PPIL4: variants seen among roughly 807,000 people sequenced by gnomAD.
The protein encoded by PPIL4 is peptidylprolyl isomerase like 4.
In PPIL4, 50 loss-of-function variants were observed where a neutral mutation model predicts 69.1. The ratio of observed to expected loss-of-function variants is 0.72; its 90% CI spans 0.58 to 0.92. The LOEUF is 0.92. Ranked by LOEUF, PPIL4 falls within the 40% of genes least tolerant of loss-of-function variation. The pLI is 0.00. For synonymous variants in PPIL4, 193 were observed against 191.6 expected (o/e 1.01, Z -0.06); for missense variants, 480 against 587.9 (o/e 0.82, Z 1.90).
In PPIL4 at chr6:149,528,439, A is replaced by C. The variant is rs150173809; in HGVS notation, c.679-1663T>G. Among the ~76,000 whole-genome samples, 36 of 152,370 alleles carry C rather than the reference A, an allele frequency of 2.4e-4. No individual in the cohort carries two copies. In the East Asian group the frequency reaches 6.9e-3, roughly 29 times the overall value. ...TTAGGAAATTTAAAACATTCATAAA[A>C]GCTATGAGGTTCAAAACTAATTTTA... On this transcript the variant is annotated intron_variant, in intron 7 of 12. Coordinates refer to ENST00000253329, the MANE Select transcript of PPIL4 (RefSeq NM_139126.4).
rs1458268578 is a variant in PPIL4, at chr6:149,504,628, C to T, written c.*825G>A. 6.6e-6 allele frequency: 1 copy of T among 152,194 alleles called. No homozygotes were observed. The highest frequency in any genetic ancestry group is 1.5e-5 in the Non-Finnish European group (1 of 68,036). The allele number at this position is 152,194 out of a possible 1,614,324, so 9.4% of individuals were successfully genotyped here. A position where few individuals can be genotyped will look rare whatever the true frequency, so the allele number is the denominator to read the frequency against. On this transcript the variant is annotated 3_prime_UTR_variant, in exon 13 of 13. Transcript: ENST00000253329. ...GAAATCACAGGTAGATACCACTTAACATCCACTAGGTTGGCAAATTTTTAA... is the reference window on the plus strand; with the variant it reads ...GAAATCACAGGTAGATACCACTTAATATCCACTAGGTTGGCAAATTTTTAA...
intron 9 of PPIL4, 55 bp downstream of exon 9, chr6:149,525,088 T>C: frequency 1.1e-6 from 1 of 930,616 alleles, no homozygotes; most frequent in Non-Finnish European, 1.7e-6. Flanking sequence ...TTTTCACATT[T>C]TAATACCATA....
At chr6:149,531,760 G>C (rs887312148) in intron 7 of PPIL4, among the ~76,000 whole-genome samples, 1 of 151,998 alleles carries the variant, frequency 6.6e-6, no homozygotes. Flanking sequence ...ACTTTCGCCT[G>C]CTGGGTTCAA....
chr6:149,545,085 C>A (rs1447067450), intron 1 of PPIL4, among the ~76,000 whole-genome samples: 1 of 152,142 alleles, frequency 6.6e-6, no homozygotes, highest in Non-Finnish European at 1.5e-5. Flanking sequence ...CACGACTGAC[C>A]TAGGCGTATC....
At chr6:149,520,155 A>G (rs549925200) in intron 10 of PPIL4, among the ~76,000 whole-genome samples, 1 of 152,320 alleles carries the variant, frequency 6.6e-6, no homozygotes, top group South Asian at 2.1e-4. Context: ...AAAAAATGCA[A>G]GGTACAAAAA....
In PPIL4 at chr6:149,522,053, C is replaced by A. The variant is rs149012530; in HGVS notation, c.871-882G>T. Reference sequence around the variant, plus strand: ...CAATAATTAAATGAATTATAAAATCCATGAAGATATAGACAAAGCTTGATT... The same window carrying A: ...CAATAATTAAATGAATTATAAAATCAATGAAGATATAGACAAAGCTTGATT... On this transcript the variant is annotated intron_variant, in intron 9 of 12. Transcript: ENST00000253329. Among the ~76,000 whole-genome samples the A allele has an allele frequency of 4.6e-3, 701 of 152,184 alleles. 3 individuals are homozygous for A. Among genetic ancestry groups the A allele is most frequent in the African/African-American group, 0.016 (676 of 41,514 alleles).
rs113611329 is a variant in PPIL4 at position 149,531,531 on chromosome 6, C to CAA, written c.678+1925_678+1926dup. ...AACCTGGGCAACAGAAACTCCGTCT[C>CAA]AAAAAAAAAAAAAGGAAAATATTCT... On this transcript the variant is annotated intron_variant, in intron 7 of 12. Coordinates refer to ENST00000253329, the MANE Select transcript of PPIL4 (RefSeq NM_139126.4). Among the ~76,000 whole-genome samples, 1,126 of 135,320 alleles carry CAA rather than the reference C, an allele frequency of 8.3e-3. 41 individuals carry two copies. The highest frequency in any genetic ancestry group is 0.058 in the Admixed American group (791 of 13,552). The allele number at this position is 135,320 out of a possible 152,430, so 88.8% of individuals were successfully genotyped here. A position where few individuals can be genotyped will look rare whatever the true frequency, so the allele number is the denominator to read the frequency against.
rs1030634043 is a variant in PPIL4, at chr6:149,534,762, C to T, written c.477G>A (p.Thr159=). The change falls in exon 6 of 13, where the codon ACG becomes ACA. Residue 159 remains threonine, a synonymous_variant. Transcript: ENST00000253329. ...VPYQDIRINH[T]VILDDPFDDP... is the part of the protein sequence containing the mutation. ...CATCAAATGGATCATCTAAAATCACCGTATGATTTATCCTTACAAAATAAA... is the reference window on the plus strand; with the variant it reads ...CATCAAATGGATCATCTAAAATCACTGTATGATTTATCCTTACAAAATAAA... The T allele has an allele frequency of 5.8e-6, 9 of 1,552,744 alleles. No homozygotes were observed. The highest frequency in any genetic ancestry group is 2.7e-5 in the African/African-American group (2 of 73,280).
At chr6:149,531,573 AGAT>A (rs1271258571) in intron 7 of PPIL4, among the ~76,000 whole-genome samples, 2 of 152,120 alleles carry the variant, frequency 1.3e-5, no homozygotes, top group African/African-American at 4.8e-5. Context: ...TAAATGCAAC[AGAT>A]GATAAGTCAC....
chr6:149,527,512 G>A (rs1235824825), intron 7 of PPIL4, among the ~76,000 whole-genome samples: 1 of 151,910 alleles, frequency 6.6e-6, no homozygotes, highest in Non-Finnish European at 1.5e-5. Flanking sequence ...CTTTTTTCAA[G>A]TATTTGATAT....
intron 12 of PPIL4, among the ~76,000 whole-genome samples, chr6:149,506,689 G>A (rs1192298787): frequency 6.6e-6 from 1 of 152,104 alleles, no homozygotes; most frequent in East Asian, 1.9e-4. Flanking sequence ...AACCTCCCAG[G>A]CTCAACCGAT....
chr6:149,534,700 T>G lies in PPIL4; in HGVS notation c.539A>C (p.Glu180Ala), dbSNP rs765555284. The change falls in exon 6 of 13, where the codon GAA becomes GCA. Residue 180 changes from glutamate (E) to alanine (A), a missense_variant. Glu to Ala is a moderately radical substitution (Grantham distance 107, BLOSUM62 -1). Transcript: ENST00000253329. ...TACATCTAATTGTTCCCTTGTAGGTTCTGGTGATCGATCAGGGATTAATAA... is the reference window on the plus strand; with the variant it reads ...TACATCTAATTGTTCCCTTGTAGGTGCTGGTGATCGATCAGGGATTAATAA... ...PDLLIPDRSP[E>A]PTREQLDSGR... is the part of the protein sequence containing the mutation. The G allele has an allele frequency of 1.3e-6, 2 of 1,580,058 alleles. No homozygotes were observed.
intron 1 of PPIL4, among the ~76,000 whole-genome samples, chr6:149,542,161 G>A (rs1777374214): frequency 6.6e-6 from 1 of 151,960 alleles, no homozygotes; most frequent in Non-Finnish European, 1.5e-5. Context: ...TTTACTGATG[G>A]ATTGATTTTA....
At chr6:149,529,035 C>A (rs1451001897) in intron 7 of PPIL4, among the ~76,000 whole-genome samples, 2 of 151,780 alleles carry the variant, frequency 1.3e-5, no homozygotes, top group Non-Finnish European at 2.9e-5. Flanking sequence ...TTGGGATCAG[C>A]CTGAGCAACA....
chr6:149,517,573 G>A, intron 10 of PPIL4, 123 bp from the exon 11 acceptor site: 3 of 519,226 alleles, frequency 5.8e-6, no homozygotes, highest in Non-Finnish European at 1.0e-5. Context: ...ACAGAGAAAG[G>A]GAACAAAAGA....
At position 149,513,428 on chromosome 6, in the gene PPIL4, T is replaced by TATATATATATAC. The variant is rs1554215984; in HGVS notation, c.1080-1138_1080-1127dup. The stretch of plus-strand genomic sequence containing the variant: ...AAAAAAAAAAATATATATATATATA[T>TATATATATATAC]ATATATATATACATATAAAAAATAT... On this transcript the variant is annotated intron_variant, in intron 11 of 12. Transcript: ENST00000253329. Among the ~76,000 whole-genome samples, 107 of 127,022 alleles carry TATATATATATAC rather than the reference T, an allele frequency of 8.4e-4. 1 individual carries two copies. Among genetic ancestry groups the TATATATATATAC allele is most frequent in the African/African-American group, 3.0e-3 (94 of 30,852 alleles). The allele number at this position is 127,022 out of a possible 152,430, so 83.3% of individuals were successfully genotyped here. A position where few individuals can be genotyped will look rare whatever the true frequency, so the allele number is the denominator to read the frequency against.
chr6:149,512,374 C>A, intron 11 of PPIL4, 72 bp from the exon 12 acceptor site: 1 of 1,172,164 alleles, frequency 8.5e-7, no homozygotes, highest in Non-Finnish European at 1.2e-6. Context: ...ATCTGGTAAA[C>A]AAAGGAGGTC....
intron 12 of PPIL4, among the ~76,000 whole-genome samples, chr6:149,507,848 C>G (rs917410360): frequency 1.3e-5 from 2 of 152,112 alleles, no homozygotes; most frequent in Non-Finnish European, 2.9e-5. Flanking sequence ...AACAAGTACT[C>G]TTAAGGTTAG....
chr6:149,508,394 T>C (rs1292927100), intron 12 of PPIL4, among the ~76,000 whole-genome samples: 2 of 151,970 alleles, frequency 1.3e-5, no homozygotes, highest in East Asian at 3.9e-4. Flanking sequence ...ATTTAAAACA[T>C]AAGACAAGAT....
Sources: allele counts gnomAD v4.1 joint callset (sites outside exome capture counted in the v4.1 genomes callset), GRCh38; gene constraint gnomAD v4.1.1; transcripts MANE v1.5; gene names NCBI Gene and HGNC (gene_info 2026-07-23, HGNC 2026-07-21).